Variants in MAOA observed in about 807,000 individuals in gnomAD.
MAOA encodes the protein monoamine oxidase A.
Under a neutral mutation model 42.0 loss-of-function variants are expected in MAOA, and 6 were observed. The observed-to-expected ratio is 0.14, with a 90% confidence interval of 0.08 to 0.28. The LOEUF (loss-of-function observed/expected upper bound fraction) is 0.28. Ranked by LOEUF, MAOA falls within the 10% of genes least tolerant of loss-of-function variation. The pLI, the probability that MAOA is intolerant of heterozygous loss-of-function variation, is 1.00. For synonymous variants in MAOA, 140 were observed against 154.0 expected (o/e 0.91, Z 0.67); for missense variants, 262 against 422.3 (o/e 0.62, Z 3.33).
At position 43,744,191 on chromosome X, in the gene MAOA, G is replaced by A; in HGVS notation, c.1437+20G>A. On this transcript the variant is annotated intron_variant, in intron 14 of 14. Transcript: ENST00000338702. ...TCAAAGGTAAGTTTGGTGACTCTGG[G>A]CACTATCTCTCCTTAGACCAATCAT... 8.4e-7 allele frequency: 1 copy of A among 1,184,256 alleles called. No individual in the cohort carries two copies. Among genetic ancestry groups the A allele is most frequent in the Non-Finnish European group, 1.1e-6 (1 of 870,746 alleles).
At chrX:43,658,175 G>A (rs1003146182) in intron 1 of MAOA, among the ~76,000 whole-genome samples, 2 of 111,590 alleles carry the variant, frequency 1.8e-5, no homozygotes, top group African/African-American at 6.5e-5. Context: ...ACATTGACTA[G>A]GGGTTCTGGG....
At chrX:43,671,683 C>T (rs2033337328) in intron 1 of MAOA, among the ~76,000 whole-genome samples, 1 of 101,445 alleles carries the variant, frequency 9.9e-6, no homozygotes, top group Non-Finnish European at 2.0e-5. Context: ...TTCCCAGCAC[C>T]ATTTATTAAA....
intron 3 of MAOA, among the ~76,000 whole-genome samples, chrX:43,695,616 C>A (rs1370002074): frequency 9.0e-6 from 1 of 111,502 alleles, no homozygotes; most frequent in Non-Finnish European, 1.9e-5. Context: ...CCTGTAGTCC[C>A]AGCTATTTGG....
At chrX:43,686,666 G>A (rs1194175117) in intron 2 of MAOA, among the ~76,000 whole-genome samples, 1 of 111,157 alleles carries the variant, frequency 9.0e-6, no homozygotes, top group Non-Finnish European at 1.9e-5. Context: ...AGGTGCAGTG[G>A]TGTACACCTG....
intron 1 of MAOA, among the ~76,000 whole-genome samples, chrX:43,666,163 C>G (rs1238952814): frequency 8.9e-6 from 1 of 112,084 alleles, no homozygotes; most frequent in Non-Finnish European, 1.9e-5. Context: ...CATTTGGGCA[C>G]TGCAACGTGC....
intron 1 of MAOA, among the ~76,000 whole-genome samples, chrX:43,681,951 G>A (rs1036528120): frequency 9.6e-5 from 10 of 104,444 alleles, no homozygotes; most frequent in Admixed American, 6.3e-4. Flanking sequence ...GCACGATCTC[G>A]GCTCACTGCA....
intron 1 of MAOA, 115 bp from the exon 2 acceptor site, chrX:43,683,398 A>G: frequency 3.5e-6 from 2 of 569,149 alleles, no homozygotes; most frequent in Admixed American, 5.2e-5. Flanking sequence ...TTAGAAAGAC[A>G]GCAAAATCAT....
chrX:43,711,782 T>C (rs1392253367), intron 3 of MAOA, 90 bp from the exon 4 acceptor site: 3 of 663,357 alleles, frequency 4.5e-6, no homozygotes, highest in Non-Finnish European at 7.4e-6. Context: ...TTGCAAGTCT[T>C]AGGTTGGTTG....
rs780408416 is a variant in MAOA at position 43,732,691 on chromosome X, T to G, written c.956-8T>G. 3.2e-5 allele frequency: 37 copies of G among 1,174,312 alleles called. No homozygotes were observed. Among genetic ancestry groups the G allele is most frequent in the Non-Finnish European group, 3.9e-5 (34 of 862,942 alleles). On this transcript the variant is annotated splice_region_variant and splice_polypyrimidine_tract_variant and intron_variant, in intron 8 of 14. Coordinates refer to ENST00000338702, the MANE Select transcript of MAOA (RefSeq NM_000240.4). Reference sequence around the variant, plus strand: ...CTCGATCTCCCATTGATTTTTCTCCTGGTTAAGATTACTGTGGCTGCATGA... The same window carrying G: ...CTCGATCTCCCATTGATTTTTCTCCGGGTTAAGATTACTGTGGCTGCATGA...
At chrX:43,708,822 C>G (rs901854189) in intron 3 of MAOA, among the ~76,000 whole-genome samples, 3 of 108,215 alleles carry the variant, frequency 2.8e-5, no homozygotes, top group African/African-American at 1.0e-4. Flanking sequence ...GCCACCATGC[C>G]CGGCTGATTT....
At position 43,745,736 on chromosome X, in the gene MAOA, G is replaced by T. The variant is rs2033994811; in HGVS notation, c.*1223G>T. On this transcript the variant is annotated 3_prime_UTR_variant, in exon 15 of 15. Transcript: ENST00000338702. ...CTTAGGAGTAATGTCGGCCCACAAG[G>T]GTGCCCACCTCTTGTTTTCCCCTTT... 9.0e-6 allele frequency: 1 copy of T among 111,052 alleles called. No individual in the cohort carries two copies. Among genetic ancestry groups the T allele is most frequent in the Admixed American group, 9.6e-5 (1 of 10,442 alleles). The allele number at this position is 111,052 out of a possible 1,213,427, so 9.2% of individuals were successfully genotyped here.
At chrX:43,709,807 A>C (rs1032570398) in intron 3 of MAOA, among the ~76,000 whole-genome samples, 16 of 111,580 alleles carry the variant, frequency 1.4e-4, no homozygotes, top group African/African-American at 4.9e-4. Context: ...GCATTTTCCA[A>C]AGCTGTTTAT....
intron 6 of MAOA, 43 bp downstream of exon 6, chrX:43,728,357 G>T: frequency 5.0e-6 from 6 of 1,195,882 alleles, no homozygotes; most frequent in Non-Finnish European, 6.8e-6. Context: ...AGCTTCATCT[G>T]TGATTTTGCT....
At chrX:43,742,581 A>C (rs1245693140) in intron 12 of MAOA, among the ~76,000 whole-genome samples, 2 of 112,521 alleles carry the variant, frequency 1.8e-5, no homozygotes, top group Admixed American at 9.4e-5. Context: ...TCTATGCTTC[A>C]TAGGCATAGT....
In MAOA at chrX:43,695,649, T is replaced by C. The variant is rs753609336; in HGVS notation, c.306+2221T>C. Among the ~76,000 whole-genome samples, 4 of 111,863 alleles carry C rather than the reference T, an allele frequency of 3.6e-5. No individual in the cohort carries two copies. In the Admixed American group the frequency reaches 3.8e-4, roughly 11 times the overall value. On this transcript the variant is annotated intron_variant, in intron 3 of 14. Transcript: ENST00000338702. ...TGGGAGGCTGAGGCAAGAGGATGGC[T>C]TGAGCCCAGGAGGTCGAGGTTACAG...
intron 1 of MAOA, among the ~76,000 whole-genome samples, chrX:43,664,856 G>C (rs751883788): frequency 8.9e-6 from 1 of 111,856 alleles, no homozygotes; most frequent in Non-Finnish European, 1.9e-5. Flanking sequence ...AATATGAGTT[G>C]ATATTTGACT....
chrX:43,723,821 A>C (rs1386206583), intron 5 of MAOA, among the ~76,000 whole-genome samples: 1 of 111,783 alleles, frequency 8.9e-6, no homozygotes, highest in African/African-American at 3.3e-5. Context: ...TGGGTTTGTC[A>C]TAAATAGCTC....
intron 3 of MAOA, among the ~76,000 whole-genome samples, chrX:43,703,810 G>A (rs1247117244): frequency 9.0e-6 from 1 of 111,139 alleles, no homozygotes; most frequent in Non-Finnish European, 1.9e-5. Context: ...AAAGACTATT[G>A]AACACAAACC....
intron 5 of MAOA, among the ~76,000 whole-genome samples, chrX:43,718,457 A>G (rs1480940989): frequency 2.7e-5 from 3 of 109,096 alleles, no homozygotes; most frequent in Non-Finnish European, 5.7e-5. Context: ...CAGGAATGTG[A>G]CAAAGGCTCT....
Sources: gnomAD v4.1 joint callset for allele counts (sites outside exome capture counted in the v4.1 genomes callset) on GRCh38, gnomAD v4.1.1 for gene constraint, MANE v1.5 for transcripts, NCBI Gene and HGNC (gene_info 2026-07-23, HGNC 2026-07-21) for gene names.